The following SIRPB2 variants were observed in gnomAD, a reference collection of about 807,000 sequenced individuals.
SIRPB2 encodes signal regulatory protein beta 2.
A neutral mutation model predicts 27.1 loss-of-function variants in SIRPB2; 18 were observed. The observed-to-expected ratio is 0.66, with a 90% CI of 0.46 to 0.98. SIRPB2 has a LOEUF of 0.98. Among genes scored for constraint, SIRPB2 ranks in the 50% least tolerant of loss-of-function variants. The pLI is 0.00. For synonymous variants in SIRPB2, 150 were observed against 164.6 expected, an observed-to-expected ratio of 0.91 and a Z score of 0.68; for missense variants, 420 against 417.4, an observed-to-expected ratio of 1.01 and a Z score of -0.06.
In SIRPB2 at chr20:1,491,380, A is replaced by G. The variant is rs1305225725; in HGVS notation, c.-21T>C. 2 of 1,598,768 alleles carry G rather than the reference A, an allele frequency of 1.3e-6. No homozygotes were observed. The highest frequency in any genetic ancestry group is 1.7e-6 in the Non-Finnish European group (2 of 1,173,796). On this transcript the variant is annotated 5_prime_UTR_variant, in exon 1 of 5. Coordinates refer to ENST00000359801, the MANE Select transcript of SIRPB2 (RefSeq NM_001122962.2). ...CACATGGCATCTTCTGTGGTCCCCA[A>G]GACTTGGGGCTCCTCTGCTCTCTTG...
Position 1,480,001 on chromosome 20 carries a change from C to G in SIRPB2, c.150G>C (p.Val50=). Residue 50 remains valine (V), a synonymous_variant, in exon 2 of 5, where the codon GTG becomes GTC. Coordinates refer to ENST00000359801, the MANE Select transcript of SIRPB2 (RefSeq NM_001122962.2). The part of the protein sequence containing the change: ...QVLQPEGPML[V]AEGETLLLRC... ...TCAGTAGAAGTGTCTCACCTTCTGCCACCAGCATGGGGCCCTCGGGCTGTA... is the reference window on the plus strand; with the variant it reads ...TCAGTAGAAGTGTCTCACCTTCTGCGACCAGCATGGGGCCCTCGGGCTGTA... 1.2e-6 allele frequency: 2 copies of G among 1,614,152 alleles called. No homozygotes were observed. The highest frequency in any genetic ancestry group is 1.7e-6 in the Non-Finnish European group (2 of 1,180,040).
At chr20:1,477,482 T>C in intron 3 of SIRPB2, 79 bp from the exon 4 acceptor site, 1 of 1,539,162 alleles carries the variant, frequency 6.5e-7, no homozygotes, top group Non-Finnish European at 8.7e-7. Context: ...AGCTGGGATC[T>C]CTGGGATGAG....
At chr20:1,482,277 A>C (rs988413089) in intron 1 of SIRPB2, among the ~76,000 whole-genome samples, 2 of 152,136 alleles carry the variant, frequency 1.3e-5, no homozygotes, top group East Asian at 3.9e-4. Context: ...CTGAAAAACA[A>C]TACATTGTTG....
rs750621585 is a variant in SIRPB2 at position 1,478,238 on chromosome 20, C to T, written c.793+28G>A. ...CCTGTTGAATACCTGCTCCGCTCTC[C>T]CGACAAGTCCAAAACCAATTGTCTC... On this transcript the variant is annotated intron_variant, in intron 3 of 4. Coordinates refer to ENST00000359801, the MANE Select transcript of SIRPB2 (RefSeq NM_001122962.2). The T allele has an allele frequency of 3.1e-6, 5 of 1,600,250 alleles. No homozygotes were observed. In the Admixed American group the frequency reaches 6.7e-5, roughly 22 times the overall value.
rs1245053786 is a variant in SIRPB2 at position 1,491,370 on chromosome 20, G to C, written c.-11C>G. 6.2e-7 allele frequency: 1 copy of C among 1,604,506 alleles called. No individual in the cohort carries two copies. The highest frequency in any genetic ancestry group is 8.5e-7 in the Non-Finnish European group (1 of 1,176,434). On this transcript the variant is annotated 5_prime_UTR_variant, in exon 1 of 5. Transcript: ENST00000359801. Reference sequence around the variant, plus strand: ...CATCGTGGAGCACATGGCATCTTCTGTGGTCCCCAAGACTTGGGGCTCCTC... The same window carrying C: ...CATCGTGGAGCACATGGCATCTTCTCTGGTCCCCAAGACTTGGGGCTCCTC...
At chr20:1,487,390 T>C (rs1201371104) in intron 1 of SIRPB2, among the ~76,000 whole-genome samples, 1 of 152,254 alleles carries the variant, frequency 6.6e-6, no homozygotes, top group Admixed American at 6.5e-5. Context: ...AGTTGATATA[T>C]AAACTCAATG....
At chr20:1,473,776 G>T (rs551228115), downstream of SIRPB2, 282 of 455,304 alleles carry the variant, frequency 6.2e-4, no homozygotes, top group Non-Finnish European at 1.0e-3. Context: ...GGCTTGCAAG[G>T]GCAGGTGGGA....
At chr20:1,485,090 G>C (rs943707381) in intron 1 of SIRPB2, among the ~76,000 whole-genome samples, 1 of 152,204 alleles carries the variant, frequency 6.6e-6, no homozygotes, top group Non-Finnish European at 1.5e-5. Flanking sequence ...GGAAAAGTGA[G>C]TGTAGGGAGA....
intron 1 of SIRPB2, among the ~76,000 whole-genome samples, chr20:1,480,900 T>C (rs2090664785): frequency 6.6e-6 from 1 of 152,160 alleles, no homozygotes. Context: ...TTCAGAGACA[T>C]AGGTTTGTGT....
chr20:1,490,558 C>A (rs1272082370), intron 1 of SIRPB2, among the ~76,000 whole-genome samples: 3 of 152,194 alleles, frequency 2.0e-5, no homozygotes, highest in African/African-American at 7.2e-5. Context: ...ATAATAATCG[C>A]CAAGAGTTAT....
intron 1 of SIRPB2, among the ~76,000 whole-genome samples, chr20:1,482,008 C>T (rs1170612643): frequency 6.6e-6 from 1 of 152,110 alleles, no homozygotes; most frequent in Non-Finnish European, 1.5e-5. Flanking sequence ...AAGAGAGATG[C>T]AGCCCAGAAA....
chr20:1,491,251 T>TGTTCTATCCTAGACCCC (rs746481969), intron 1 of SIRPB2, 24 bp downstream of exon 1: 1 of 1,599,922 alleles, frequency 6.3e-7, no homozygotes, highest in Non-Finnish European at 8.5e-7. Context: ...GGGTGGACCC[T>TGTTCTATCCTAGACCCC]GTTCTATCCT....
chr20:1,480,210 G>A (rs1398595718), intron 1 of SIRPB2, 145 bp from the exon 2 acceptor site: 3 of 1,132,944 alleles, frequency 2.6e-6, no homozygotes. Context: ...AAGGGAAAGA[G>A]GGGATGAGAT....
chr20:1,476,218 T>C lies in SIRPB2; in HGVS notation c.978A>G (p.Thr326=). 6.2e-7 allele frequency: 1 copy of C among 1,614,042 alleles called. No homozygotes were observed. The highest frequency in any genetic ancestry group is 8.5e-7 in the Non-Finnish European group (1 of 1,179,974). ...RSPGQEDVKT[T]GPAGAMNTLA... ...AGGTGTTCATGGCTCCTGCTGGGCC[T>C]GTGGTCTTGACATCTTCTTGCCCAG... Residue 326 remains threonine (T), a synonymous_variant, in exon 5 of 5, where the codon ACA becomes ACG. Transcript: ENST00000359801.
intron 3 of SIRPB2, 49 bp from the exon 4 acceptor site, chr20:1,477,452 A>C: frequency 6.4e-7 from 1 of 1,567,792 alleles, no homozygotes; most frequent in Admixed American, 1.8e-5. Flanking sequence ...TTTATCTCCC[A>C]CCACTTCCTA....
chr20:1,480,956 T>G (rs200925377), intron 1 of SIRPB2, among the ~76,000 whole-genome samples: 2 of 152,332 alleles, frequency 1.3e-5, no homozygotes, highest in East Asian at 3.9e-4. Context: ...ATGTGAATTA[T>G]CAGCAGACTG....
chr20:1,478,693 C>T, intron 2 of SIRPB2, 86 bp from the exon 3 acceptor site: 2 of 1,144,928 alleles, frequency 1.7e-6, no homozygotes, highest in South Asian at 1.7e-5. Flanking sequence ...CCCTCCCTTC[C>T]TTCTTTCCAG....
In SIRPB2 at chr20:1,475,761, G is replaced by T; in HGVS notation, c.*406C>A. 6.1e-6 allele frequency: 1 copy of T among 164,688 alleles called. No homozygotes were observed. Among genetic ancestry groups the T allele is most frequent in the South Asian group, 1.5e-4 (1 of 6,756 alleles). 10.2% of individuals were successfully genotyped at this position (164,688 alleles called of 1,614,324 possible). On this transcript the variant is annotated 3_prime_UTR_variant, in exon 5 of 5. Coordinates refer to ENST00000359801, the MANE Select transcript of SIRPB2 (RefSeq NM_001122962.2). ...TGGGGAGAAAGGTGTAGATGGAGGG[G>T]CACAGATGGTCTGGCTGGTTGAGTT...
chr20:1,476,927 C>A (rs917215574), intron 4 of SIRPB2: 9 of 1,180,752 alleles, frequency 7.6e-6, no homozygotes, highest in Non-Finnish European at 8.5e-6. Flanking sequence ...GTCCCCTCCC[C>A]GCTAGTTCAT....
Sources: allele counts gnomAD v4.1 joint callset (sites outside exome capture counted in the v4.1 genomes callset), GRCh38; gene constraint gnomAD v4.1.1; transcripts MANE v1.5; gene names NCBI Gene and HGNC (gene_info 2026-07-23, HGNC 2026-07-21).